MSH4: variants seen among roughly 807,000 people sequenced by gnomAD.
MSH4 encodes mutS protein homolog 4.
In MSH4, 106 loss-of-function variants were observed where a neutral mutation model predicts 113.7. The observed-to-expected ratio is 0.93, with a 90% confidence interval of 0.80 to 1.10. MSH4 has a LOEUF of 1.10. Among genes scored for constraint, MSH4 ranks in the 50% least tolerant of loss-of-function variants. The pLI, the probability that MSH4 is intolerant of heterozygous loss-of-function variation, is 0.00. For synonymous variants in MSH4, 368 were observed against 380.2 expected (o/e 0.97, Z 0.37); for missense variants, 1,061 against 1,093.7 (o/e 0.97, Z 0.42).
chr1:75,904,949 T>G (rs1652589863), intron 19 of MSH4, among the ~76,000 whole-genome samples: 1 of 152,032 alleles, frequency 6.6e-6, no homozygotes, highest in Non-Finnish European at 1.5e-5. Context: ...ATGTCTCCTT[T>G]TTCATTTCTG....
At chr1:75,870,033 C>T (rs909283582) in intron 9 of MSH4, among the ~76,000 whole-genome samples, 1 of 152,188 alleles carries the variant, frequency 6.6e-6, no homozygotes, top group African/African-American at 2.4e-5. Context: ...TGCAAAGGCA[C>T]AAGGGTGGAG....
intron 19 of MSH4, among the ~76,000 whole-genome samples, chr1:75,904,497 C>T (rs1281746559): frequency 2.0e-5 from 3 of 147,984 alleles, no homozygotes; most frequent in African/African-American, 7.5e-5. Context: ...CAGGTACTGG[C>T]TTTTCTTCTT....
chr1:75,833,864 A>G (rs1650766140), intron 7 of MSH4, among the ~76,000 whole-genome samples: 1 of 152,254 alleles, frequency 6.6e-6, no homozygotes, highest in Non-Finnish European at 1.5e-5. Context: ...CATTCAGGTC[A>G]TAGGCATGGG....
chr1:75,887,886 T>G (rs1019381794), intron 15 of MSH4, among the ~76,000 whole-genome samples: 1 of 151,884 alleles, frequency 6.6e-6, no homozygotes, highest in East Asian at 1.9e-4. Flanking sequence ...CAGCAAACAT[T>G]TATCATGAGA....
Position 75,905,016 on chromosome 1 carries a change from TG to T in MSH4, c.2619+5311del, listed in dbSNP as rs1652591715. Among the ~76,000 whole-genome samples, 3 of 152,006 alleles carry T rather than the reference TG, an allele frequency of 2.0e-5. No individual in the cohort carries two copies. In the South Asian group the frequency reaches 6.2e-4, roughly 32 times the overall value. On this transcript the variant is annotated intron_variant, in intron 19 of 19. Transcript: ENST00000263187. ...GTCTAGTAAAGATTTGTTTGTCTTT[TG>T]TATTTATTTTAGTTTCAACTTCATT...
intron 15 of MSH4, among the ~76,000 whole-genome samples, chr1:75,886,524 G>A (rs180994820): frequency 0.27 from 31,633 of 116,194 alleles, 6,130 homozygotes; most frequent in East Asian, 0.72. Context: ...TATATATGAT[G>A]TATTATATAT....
At chr1:75,885,198 AT>A (rs1652044271) in intron 15 of MSH4, among the ~76,000 whole-genome samples, 1 of 145,140 alleles carries the variant, frequency 6.9e-6, no homozygotes, top group South Asian at 2.1e-4. Context: ...GTGTATATAT[AT>A]AGGGTATATA....
intron 19 of MSH4, among the ~76,000 whole-genome samples, chr1:75,907,574 T>G (rs1652686573): frequency 6.6e-6 from 1 of 151,320 alleles, no homozygotes; most frequent in Non-Finnish European, 1.5e-5. Flanking sequence ...TTCCATTTTA[T>G]TCCTTTAAAT....
intron 7 of MSH4, among the ~76,000 whole-genome samples, chr1:75,844,260 G>A (rs1651029375): frequency 6.6e-6 from 1 of 152,042 alleles, no homozygotes; most frequent in Admixed American, 6.6e-5. Flanking sequence ...TTCAAGTATG[G>A]GGAAATAAGT....
chr1:75,888,069 CG>C (rs951689360), intron 15 of MSH4, among the ~76,000 whole-genome samples: 1 of 148,606 alleles, frequency 6.7e-6, no homozygotes, highest in Non-Finnish European at 1.5e-5. Flanking sequence ...GTATAGGTGC[CG>C]TTATTATAAT....
intron 1 of MSH4, among the ~76,000 whole-genome samples, chr1:75,799,587 A>G (rs762110109): frequency 7.2e-5 from 11 of 152,246 alleles, no homozygotes; most frequent in Non-Finnish European, 1.2e-4. Flanking sequence ...AAAGGGAAAC[A>G]GCTGGAGCGC....
intron 8 of MSH4, among the ~76,000 whole-genome samples, chr1:75,848,520 G>A (rs1651122403): frequency 6.6e-6 from 1 of 152,136 alleles, no homozygotes. Context: ...AACACTTTGG[G>A]AGGTCAAGGC....
intron 17 of MSH4, among the ~76,000 whole-genome samples, chr1:75,892,881 T>C (rs1256544900): frequency 6.6e-6 from 1 of 152,104 alleles, no homozygotes; most frequent in Admixed American, 6.6e-5. Context: ...AAAACTTGAG[T>C]TCAGAAGCCT....
At chr1:75,846,652 A>G (rs936752984) in intron 7 of MSH4, among the ~76,000 whole-genome samples, 12 of 152,138 alleles carry the variant, frequency 7.9e-5, no homozygotes, top group African/African-American at 2.9e-4. Context: ...ATTTCTACCA[A>G]TGTTCTGATC....
intron 9 of MSH4, among the ~76,000 whole-genome samples, chr1:75,873,270 C>T (rs1385745581): frequency 6.6e-6 from 1 of 152,160 alleles, no homozygotes; most frequent in South Asian, 2.1e-4. Flanking sequence ...TGTTAATCCT[C>T]CAGCTGCAAT....
At chr1:75,831,358 C>G (rs777707341) in intron 7 of MSH4, among the ~76,000 whole-genome samples, 3 of 152,112 alleles carry the variant, frequency 2.0e-5, no homozygotes, top group Non-Finnish European at 4.4e-5. Context: ...TAATACCCCA[C>G]TGTCAACATT....
chr1:75,799,815 G>A (rs1146646), intron 1 of MSH4, among the ~76,000 whole-genome samples: 48,879 of 152,010 alleles, frequency 0.32, 8,449 homozygotes, highest in African/African-American at 0.44. Flanking sequence ...AGTATTTTCT[G>A]ATTCTGGGAA....
At chr1:75,852,220 TC>T in intron 8 of MSH4, among the ~76,000 whole-genome samples, 1 of 152,230 alleles carries the variant, frequency 6.6e-6, no homozygotes. Context: ...AATACTTTAT[TC>T]TTTGTATTGA....
chr1:75,840,468 A>G (rs1234515377), intron 7 of MSH4, among the ~76,000 whole-genome samples: 1 of 140,718 alleles, frequency 7.1e-6, no homozygotes, highest in Non-Finnish European at 1.5e-5. Context: ...GAATTGAACA[A>G]TGAGAACACA....
Sources: gnomAD v4.1 joint callset for allele counts (sites outside exome capture counted in the v4.1 genomes callset) on GRCh38, gnomAD v4.1.1 for gene constraint, MANE v1.5 for transcripts, NCBI Gene and HGNC (gene_info 2026-07-23, HGNC 2026-07-21) for gene names.